The following ROBO2 variants were observed in gnomAD, a reference collection of about 807,000 sequenced individuals.
The protein encoded by ROBO2 is roundabout guidance receptor 2, also known as roundabout homolog 2.
ROBO2 carries 53 observed loss-of-function variants against 160.8 expected under a neutral mutation model. The ratio of observed to expected loss-of-function variants is 0.33; its 90% CI spans 0.26 to 0.41. The LOEUF is 0.41. Among genes scored for constraint, ROBO2 ranks in the 10% least tolerant of loss-of-function variants. The pLI is 1.00. For synonymous variants in ROBO2, 664 were observed against 611.7 expected, an observed-to-expected ratio of 1.09 and a Z score of -1.26; for missense variants, 1,577 against 1,722.4, an observed-to-expected ratio of 0.92 and a Z score of 1.49.
At chr3:76,851,128 G>A (rs1368407961) in intron 2 of ROBO2, among the ~76,000 whole-genome samples, 1 of 152,152 alleles carries the variant, frequency 6.6e-6, no homozygotes, top group Non-Finnish European at 1.5e-5. Flanking sequence ...CCACAAAATT[G>A]GCTAAATATC....
In ROBO2 at chr3:76,482,649, T is replaced by A. The variant is rs368412591; in HGVS notation, c.109+545047T>A. On this transcript the variant is annotated intron_variant, in intron 2 of 26. Transcript: ENST00000487694. ...CTGATTGTCTCCGTGGCAAGCCATG[T>A]CATGTATGGACAACTCCATCTCACT... is the stretch of plus-strand genomic sequence containing the variant. 7.2e-5 allele frequency among the ~76,000 whole-genome samples: 11 copies of A among 152,148 alleles called. No homozygotes were observed. In the East Asian group the frequency reaches 9.6e-4, roughly 13 times the overall value.
chr3:76,446,356 G>A (rs1426083453), intron 2 of ROBO2, among the ~76,000 whole-genome samples: 1 of 152,170 alleles, frequency 6.6e-6, no homozygotes, highest in Non-Finnish European at 1.5e-5. Flanking sequence ...CCTCTTCAAG[G>A]AGAACTACAA....
chr3:77,361,855 G>C (rs1200601454), intron 2 of ROBO2, among the ~76,000 whole-genome samples: 1 of 152,116 alleles, frequency 6.6e-6, no homozygotes, highest in Non-Finnish European at 1.5e-5. Context: ...GATTAGAGAG[G>C]GAAGGGTAAA....
At chr3:77,029,998 T>A (rs989947875) in intron 2 of ROBO2, among the ~76,000 whole-genome samples, 1 of 151,668 alleles carries the variant, frequency 6.6e-6, no homozygotes, top group Middle Eastern at 3.4e-3. Flanking sequence ...CAGGCTGGAG[T>A]GCAGTGGTGC....
chr3:76,979,434 T>C (rs2059978671), intron 2 of ROBO2, among the ~76,000 whole-genome samples: 1 of 152,122 alleles, frequency 6.6e-6, no homozygotes, highest in Non-Finnish European at 1.5e-5. Context: ...GTACACTCAT[T>C]TAGCTCCCAC....
chr3:77,156,301 T>C (rs529790775), intron 2 of ROBO2, among the ~76,000 whole-genome samples: 7 of 152,142 alleles, frequency 4.6e-5, no homozygotes, highest in African/African-American at 1.7e-4. Context: ...GATTTTACTT[T>C]AGATCGTGTT....
At chr3:77,551,574 C>T (rs1193232285) in intron 8 of ROBO2, among the ~76,000 whole-genome samples, 3 of 152,004 alleles carry the variant, frequency 2.0e-5, no homozygotes, top group South Asian at 2.1e-4. Flanking sequence ...AAGGGCTCTG[C>T]GTAATCTGGT....
chr3:76,313,725 A>C lies in ROBO2; in HGVS notation c.109+376123A>C, dbSNP rs571729851. 1.1e-4 allele frequency among the ~76,000 whole-genome samples: 16 copies of C among 152,338 alleles called. 1 individual carries two copies. Among genetic ancestry groups the C allele is most frequent in the African/African-American group, 3.6e-4 (15 of 41,576 alleles). ...CCTGGAAAAGATACCAATAGCAAAC[A>C]ACAAAGTTTTCTTCCGAGTTATTTT... On this transcript the variant is annotated intron_variant, in intron 2 of 26. Coordinates refer to the ROBO2 transcript ENST00000487694.
chr3:76,100,433 G>A (rs1008011099), intron 2 of ROBO2, among the ~76,000 whole-genome samples: 10 of 152,098 alleles, frequency 6.6e-5, no homozygotes, highest in African/African-American at 2.4e-4. Context: ...AAATATTCTT[G>A]CAATATTGTA....
chr3:76,403,341 A>T (rs2077950614), intron 2 of ROBO2, among the ~76,000 whole-genome samples: 1 of 151,668 alleles, frequency 6.6e-6, no homozygotes, highest in Non-Finnish European at 1.5e-5. Flanking sequence ...GATATCTGTC[A>T]TACTTGAAAC....
intron 2 of ROBO2, among the ~76,000 whole-genome samples, chr3:77,446,120 A>C (rs1009786511): frequency 6.6e-6 from 1 of 151,988 alleles, no homozygotes; most frequent in Non-Finnish European, 1.5e-5. Flanking sequence ...TGTGAGCAAA[A>C]TTTGTATTGA....
intron 2 of ROBO2, among the ~76,000 whole-genome samples, chr3:77,418,317 C>A (rs1254841141): frequency 6.6e-6 from 1 of 152,086 alleles, no homozygotes; most frequent in African/African-American, 2.4e-5. Flanking sequence ...TTCTTATCAT[C>A]ATATTGACTC....
At chr3:76,154,341 A>G (rs2072321733) in intron 2 of ROBO2, among the ~76,000 whole-genome samples, 2 of 152,150 alleles carry the variant, frequency 1.3e-5, no homozygotes. Flanking sequence ...GCAGCCATGA[A>G]GGCATTTGTG....
chr3:76,089,360 AAAACC>A (rs773868939), intron 2 of ROBO2, among the ~76,000 whole-genome samples: 5 of 152,074 alleles, frequency 3.3e-5, no homozygotes, highest in Non-Finnish European at 5.9e-5. Context: ...CCTAATAAAA[AAAACC>A]AAAGATATTA....
intron 2 of ROBO2, among the ~76,000 whole-genome samples, chr3:77,013,499 C>T (rs947763710): frequency 1.3e-5 from 2 of 152,018 alleles, no homozygotes; most frequent in Admixed American, 6.6e-5. Context: ...TACCTAAATA[C>T]ATCAAAAACA....
intron 2 of ROBO2, among the ~76,000 whole-genome samples, chr3:76,022,348 T>G (rs184903904): frequency 9.9e-5 from 15 of 151,950 alleles, no homozygotes; most frequent in Admixed American, 7.2e-4. Flanking sequence ...ACAAATGTCC[T>G]TAGTGTCATC....
chr3:76,752,095 T>C (rs1213937628), intron 2 of ROBO2, among the ~76,000 whole-genome samples: 1 of 152,138 alleles, frequency 6.6e-6, no homozygotes, highest in African/African-American at 2.4e-5. Context: ...ATATACAGCA[T>C]GGAATACTAT....
chr3:77,203,078 G>T (rs950093354), intron 2 of ROBO2, among the ~76,000 whole-genome samples: 1 of 152,206 alleles, frequency 6.6e-6, no homozygotes, highest in Non-Finnish European at 1.5e-5. Flanking sequence ...GATTTGAAGG[G>T]AGGTATGTCT....
intron 2 of ROBO2, among the ~76,000 whole-genome samples, chr3:76,539,142 A>G (rs958852886): frequency 3.3e-5 from 5 of 152,144 alleles, no homozygotes; most frequent in African/African-American, 9.7e-5. Flanking sequence ...GGAGCTGAAC[A>G]ATGAGAACAC....
Sources: gnomAD v4.1 joint callset for allele counts (sites outside exome capture counted in the v4.1 genomes callset) on GRCh38, gnomAD v4.1.1 for gene constraint, MANE v1.5 for transcripts, NCBI Gene and HGNC (gene_info 2026-07-23, HGNC 2026-07-21) for gene names.